MAOB: variants seen among roughly 807,000 people sequenced by gnomAD.
MAOB encodes the protein monoamine oxidase B.
Under a neutral mutation model 41.9 loss-of-function variants are expected in MAOB, and 15 were observed. The observed-to-expected ratio is 0.36, with a 90% CI of 0.24 to 0.55. The LOEUF is 0.55. Among genes scored for constraint, MAOB ranks in the 20% least tolerant of loss-of-function variants. The pLI is 0.86. For synonymous variants in MAOB, 167 were observed against 144.2 expected (o/e 1.16, Z -1.13); for missense variants, 345 against 398.7 (o/e 0.87, Z 1.15).
rs2034764633 is a variant in MAOB at position 43,812,745 on chromosome X, C to T, written c.280-9341G>A. On this transcript the variant is annotated intron_variant, in intron 3 of 14. Transcript: ENST00000378069. ...TAAGCACACAGAATTGGCACTGACA[C>T]TGTCTTCTGATTGCACCATCACATG... Among the ~76,000 whole-genome samples the T allele has an allele frequency of 4.4e-5, 5 of 112,585 alleles. No individual in the cohort carries two copies. In the Admixed American group the frequency reaches 4.7e-4, roughly 11 times the overall value.
In MAOB at chrX:43,820,322, T is replaced by A. The variant is rs369187523; in HGVS notation, c.280-16918A>T. ...TATTCTAATTTAATTAATAAATCTATTGTGGTTTTTCACAGACAAAAATAT... is the reference window on the plus strand; with the variant it reads ...TATTCTAATTTAATTAATAAATCTAATGTGGTTTTTCACAGACAAAAATAT... On this transcript the variant is annotated intron_variant, in intron 3 of 14. Transcript: ENST00000378069. 5.3e-3 allele frequency among the ~76,000 whole-genome samples: 591 copies of A among 112,381 alleles called. 4 individuals are homozygous for A. Among genetic ancestry groups the A allele is most frequent in the African/African-American group, 0.017 (541 of 30,991 alleles).
At chrX:43,775,033 A>C in intron 12 of MAOB, 142 bp downstream of exon 12, 1 of 890,597 alleles carries the variant, frequency 1.1e-6, no homozygotes, top group Non-Finnish European at 1.4e-6. Flanking sequence ...TTTCATTCAT[A>C]AGATACAAAG....
chrX:43,770,471 A>C (rs2034168650), intron 12 of MAOB, among the ~76,000 whole-genome samples: 1 of 111,911 alleles, frequency 8.9e-6, no homozygotes, highest in East Asian at 2.8e-4. Flanking sequence ...AACAAAGACA[A>C]AGTAATTTGC....
At chrX:43,775,693 T>C (rs2034246657) in intron 11 of MAOB, among the ~76,000 whole-genome samples, 1 of 111,776 alleles carries the variant, frequency 8.9e-6, no homozygotes, top group East Asian at 2.8e-4. Flanking sequence ...AGGTTCATGT[T>C]TTGGTGGAGG....
chrX:43,876,933 T>C (rs1002962725), intron 1 of MAOB, among the ~76,000 whole-genome samples: 4 of 112,105 alleles, frequency 3.6e-5, no homozygotes, highest in Non-Finnish European at 5.6e-5. Context: ...GCTGGCACAC[T>C]GGCACTTCAG....
chrX:43,823,767 T>C (rs1048663034), intron 3 of MAOB, among the ~76,000 whole-genome samples: 14 of 112,226 alleles, frequency 1.2e-4, no homozygotes, highest in African/African-American at 4.2e-4. Flanking sequence ...TTCAAGCCTG[T>C]GTATTTGTGC....
intron 1 of MAOB, among the ~76,000 whole-genome samples, chrX:43,861,789 C>T (rs1156827574): frequency 1.8e-5 from 2 of 111,542 alleles, no homozygotes; most frequent in Non-Finnish European, 3.8e-5. Context: ...CTATTCAATG[C>T]TGTACTAGCT....
intron 1 of MAOB, among the ~76,000 whole-genome samples, chrX:43,856,983 G>A (rs181335254): frequency 3.1e-5 from 3 of 97,914 alleles, no homozygotes; most frequent in African/African-American, 7.6e-5. Context: ...TAAGGTAAAA[G>A]CATTGGATCC....
chrX:43,791,127 C>T (rs2034457476), intron 8 of MAOB, among the ~76,000 whole-genome samples: 1 of 111,789 alleles, frequency 8.9e-6, no homozygotes, highest in East Asian at 2.8e-4. Context: ...ACTTTGCAAA[C>T]AGTAGATTAC....
intron 10 of MAOB, 117 bp downstream of exon 10, chrX:43,780,225 A>C (rs2034312035): frequency 3.4e-6 from 2 of 595,557 alleles, no homozygotes; most frequent in African/African-American, 4.5e-5. Flanking sequence ...AAAGTTAAGT[A>C]AAAATGAAAG....
chrX:43,877,944 T>C (rs2035450732), intron 1 of MAOB, among the ~76,000 whole-genome samples: 2 of 112,524 alleles, frequency 1.8e-5, no homozygotes, highest in Non-Finnish European at 3.8e-5. Context: ...AGTGATTACA[T>C]AGAAATGCCT....
chrX:43,861,325 T>C (rs2035330908), intron 1 of MAOB, among the ~76,000 whole-genome samples: 1 of 112,795 alleles, frequency 8.9e-6, no homozygotes, highest in African/African-American at 3.2e-5. Context: ...CAGAATGCAT[T>C]CCTCCTCAAA....
chrX:43,796,499 C>T (rs2034529368), intron 6 of MAOB, among the ~76,000 whole-genome samples: 1 of 110,821 alleles, frequency 9.0e-6, no homozygotes, highest in Middle Eastern at 4.6e-3. Context: ...ACCTGGCTGC[C>T]TCCTCCTCAA....
chrX:43,770,544 C>A (rs1176836382), intron 12 of MAOB, among the ~76,000 whole-genome samples: 2 of 111,924 alleles, frequency 1.8e-5, no homozygotes, highest in Non-Finnish European at 3.8e-5. Context: ...GACTCTGGAA[C>A]CTACAGTCTT....
intron 13 of MAOB, 107 bp downstream of exon 13, chrX:43,769,200 G>A: frequency 2.9e-6 from 3 of 1,033,436 alleles, no homozygotes; most frequent in Admixed American, 4.5e-5. Flanking sequence ...TGGGTCTTAA[G>A]ATGGGGGTTA....
At chrX:43,804,335 C>A (rs1238669925) in intron 3 of MAOB, among the ~76,000 whole-genome samples, 2 of 111,162 alleles carry the variant, frequency 1.8e-5, no homozygotes, top group Non-Finnish European at 3.8e-5. Context: ...TGTATTAATT[C>A]TGTGGCCATG....
intron 1 of MAOB, among the ~76,000 whole-genome samples, chrX:43,852,482 A>G (rs1468880566): frequency 8.9e-6 from 1 of 112,174 alleles, no homozygotes; most frequent in African/African-American, 3.2e-5. Flanking sequence ...AGAGAGGGAT[A>G]AATAGTTGGA....
At chrX:43,838,802 T>G in intron 3 of MAOB, 66 bp downstream of exon 3, 1 of 1,011,594 alleles carries the variant, frequency 9.9e-7, no homozygotes, top group Non-Finnish European at 1.3e-6. Context: ...GAGAATGATC[T>G]GGAATTTGTG....
In MAOB at chrX:43,773,312, G is replaced by T. The variant is rs141314188; in HGVS notation, c.1235+1863C>A. On this transcript the variant is annotated intron_variant, in intron 12 of 14. Transcript: ENST00000378069. ...GCATTTACCTCAGTGGTAACATTCT[G>T]AGTGGTGATACAGTAGTGCCCTCCT... is the stretch of plus-strand genomic sequence containing the variant. 9.0e-3 allele frequency among the ~76,000 whole-genome samples: 1,010 copies of T among 112,047 alleles called. 8 individuals are homozygous for T. Among genetic ancestry groups the T allele is most frequent in the African/African-American group, 0.032 (973 of 30,793 alleles).
Sources: gnomAD v4.1 joint callset for allele counts (sites outside exome capture counted in the v4.1 genomes callset) on GRCh38, gnomAD v4.1.1 for gene constraint, MANE v1.5 for transcripts, NCBI Gene and HGNC (gene_info 2026-07-23, HGNC 2026-07-21) for gene names.